Variants in RBFOX1 observed in about 807,000 individuals in gnomAD.
The protein encoded by RBFOX1 is RNA binding protein fox-1 homolog 1.
A neutral mutation model predicts 57.7 loss-of-function variants in RBFOX1; 8 were observed. The ratio of observed to expected loss-of-function variants is 0.14; its 90% confidence interval spans 0.08 to 0.25. The LOEUF is 0.25. RBFOX1 is among the 10% of genes least tolerant of loss of function. RBFOX1 has a pLI of 1.00. For synonymous variants in RBFOX1, 326 were observed against 222.4 expected (o/e 1.47, Z -4.15); for missense variants, 611 against 548.5 (o/e 1.11, Z -1.14).
chr16:5,292,838 T>G (rs1419316915), intron 1 of RBFOX1, among the ~76,000 whole-genome samples: 1 of 152,042 alleles, frequency 6.6e-6, no homozygotes, highest in Non-Finnish European at 1.5e-5. Flanking sequence ...TTAGCCAGGA[T>G]GGTCTTGATC....
intron 4 of RBFOX1, among the ~76,000 whole-genome samples, chr16:7,265,963 T>G (rs867340337): frequency 0.014 from 1,176 of 81,896 alleles, 44 homozygotes; most frequent in African/African-American, 0.025. Flanking sequence ...GGTGGGTTTT[T>G]GTTTTTTTTT....
intron 4 of RBFOX1, among the ~76,000 whole-genome samples, chr16:7,447,122 T>C (rs937275402): frequency 1.3e-5 from 2 of 151,782 alleles, no homozygotes; most frequent in African/African-American, 4.8e-5. Context: ...TCAAGGTAGG[T>C]CTGGGTTTTA....
intron 4 of RBFOX1, among the ~76,000 whole-genome samples, chr16:7,203,209 C>G (rs754598689): frequency 1.3e-5 from 2 of 152,168 alleles, no homozygotes; most frequent in Non-Finnish European, 2.9e-5. Context: ...TATTATTCAA[C>G]CTTAGAAGGG....
At chr16:7,630,322 A>G (rs1338149493) in intron 10 of RBFOX1, among the ~76,000 whole-genome samples, 1 of 150,796 alleles carries the variant, frequency 6.6e-6, no homozygotes, top group East Asian at 2.0e-4. Context: ...CGCTGCTTCC[A>G]TTCCTGATCT....
intron 3 of RBFOX1, among the ~76,000 whole-genome samples, chr16:6,945,269 G>T (rs1423963684): frequency 2.0e-5 from 3 of 152,056 alleles, no homozygotes; most frequent in Non-Finnish European, 2.9e-5. Flanking sequence ...TGTGACCTCT[G>T]TTAGCGTGTT....
intron 2 of RBFOX1, among the ~76,000 whole-genome samples, chr16:6,538,402 G>A (rs111309774): frequency 8.5e-5 from 13 of 152,160 alleles, no homozygotes; most frequent in African/African-American, 2.7e-4. Flanking sequence ...TGAGGTGGGA[G>A]GATCACTTGA....
chr16:5,254,887 G>T (rs535349270), intron 1 of RBFOX1, among the ~76,000 whole-genome samples: 1 of 152,280 alleles, frequency 6.6e-6, no homozygotes, highest in East Asian at 1.9e-4. Flanking sequence ...AAGAGGGTGA[G>T]CCTTTTGGGG....
chr16:7,624,205 T>C (rs2059734645), intron 10 of RBFOX1, among the ~76,000 whole-genome samples: 1 of 152,314 alleles, frequency 6.6e-6, no homozygotes, highest in Non-Finnish European at 1.5e-5. Flanking sequence ...TGGCAAATAT[T>C]GAAAAAAGCT....
chr16:7,373,367 C>A (rs1435027433), intron 4 of RBFOX1, among the ~76,000 whole-genome samples: 1 of 152,156 alleles, frequency 6.6e-6, no homozygotes, highest in Non-Finnish European at 1.5e-5. Flanking sequence ...AGCAAAGCTA[C>A]AGGTACTATT....
rs377631445 is a variant in RBFOX1 at position 6,190,291 on chromosome 16, C to A, written c.-126-126704C>A. On this transcript the variant is annotated intron_variant, in intron 1 of 15. Transcript: ENST00000550418. ...GGGGATGTTGAGTTCAAAGTTATTACATCCAAACCAACACTAAGTAGTAAT... is the reference window on the plus strand; with the variant it reads ...GGGGATGTTGAGTTCAAAGTTATTAAATCCAAACCAACACTAAGTAGTAAT... 2.2e-4 allele frequency among the ~76,000 whole-genome samples: 33 copies of A among 152,288 alleles called. No homozygotes were observed. In the East Asian group the frequency reaches 6.2e-3, roughly 29 times the overall value.
At chr16:6,907,136 C>G (rs12444870) in intron 3 of RBFOX1, among the ~76,000 whole-genome samples, 34,558 of 152,218 alleles carry the variant, frequency 0.23, 4,166 homozygotes, top group East Asian at 0.31. Flanking sequence ...TTCACAATAT[C>G]TGTAGACATT....
At chr16:5,513,458 G>A (rs144178618) in intron 2 of RBFOX1, among the ~76,000 whole-genome samples, 4 of 152,234 alleles carry the variant, frequency 2.6e-5, no homozygotes, top group Admixed American at 1.3e-4. Context: ...TGTTTGTCAG[G>A]TTCCTCTGCT....
At chr16:5,316,884 A>T (rs939995664) in intron 1 of RBFOX1, among the ~76,000 whole-genome samples, 4 of 152,116 alleles carry the variant, frequency 2.6e-5, no homozygotes, top group African/African-American at 7.2e-5. Context: ...TTCCTCCTTT[A>T]TATGGGTGGG....
At chr16:7,602,259 G>C (rs1163766101) in intron 9 of RBFOX1, among the ~76,000 whole-genome samples, 1 of 152,176 alleles carries the variant, frequency 6.6e-6, no homozygotes, top group Non-Finnish European at 1.5e-5. Flanking sequence ...TTGGGGAGGG[G>C]AGTGCAAATT....
rs2084149145 is a variant in RBFOX1 at position 6,338,995 on chromosome 16, A to C, written c.-64+21938A>C. On this transcript the variant is annotated intron_variant, in intron 2 of 15. Coordinates refer to ENST00000550418, the MANE Select transcript of RBFOX1 (RefSeq NM_018723.4). ...ATGATTACAGATTTGGGTAATTCCC[A>C]GGATCCAGTAGCCTGGGGCAGACTT... 5.3e-5 allele frequency among the ~76,000 whole-genome samples: 8 copies of C among 152,324 alleles called. No homozygotes were observed. In the South Asian group the frequency reaches 1.7e-3, roughly 32 times the overall value.
chr16:5,666,965 A>G (rs1364573771), intron 3 of RBFOX1, among the ~76,000 whole-genome samples: 1 of 152,196 alleles, frequency 6.6e-6, no homozygotes, highest in Non-Finnish European at 1.5e-5. Flanking sequence ...GAAGAAAAAA[A>G]TAGGGCAAGG....
chr16:5,556,728 T>A (rs1217522312), intron 2 of RBFOX1, among the ~76,000 whole-genome samples: 1 of 152,104 alleles, frequency 6.6e-6, no homozygotes, highest in Admixed American at 6.5e-5. Context: ...CCTTGGGACA[T>A]GAGATGCATG....
intron 1 of RBFOX1, among the ~76,000 whole-genome samples, chr16:6,204,201 C>G (rs897699067): frequency 1.3e-5 from 2 of 152,132 alleles, no homozygotes; most frequent in Non-Finnish European, 2.9e-5. Flanking sequence ...TCATCTTTCA[C>G]CAAATTCTTC....
At chr16:6,527,582 A>G (rs1022252377) in intron 2 of RBFOX1, among the ~76,000 whole-genome samples, 2 of 152,034 alleles carry the variant, frequency 1.3e-5, no homozygotes, top group Admixed American at 1.3e-4. Context: ...ATTATTTAGG[A>G]CCCTCTAAAT....
Sources: allele counts gnomAD v4.1 joint callset (sites outside exome capture counted in the v4.1 genomes callset), GRCh38; gene constraint gnomAD v4.1.1; transcripts MANE v1.5; gene names NCBI Gene and HGNC (gene_info 2026-07-23, HGNC 2026-07-21).